The following PARP1 variants were observed in gnomAD, a reference collection of about 807,000 sequenced individuals.
The protein encoded by PARP1 is poly(ADP-ribose) polymerase 1.
In PARP1, 44 loss-of-function variants were observed where a neutral mutation model predicts 118.7. The observed-to-expected ratio is 0.37, with a 90% confidence interval of 0.29 to 0.48. The LOEUF (loss-of-function observed/expected upper bound fraction) is 0.48. Ranked by LOEUF, PARP1 falls within the 20% of genes least tolerant of loss-of-function variation. The pLI is 0.99. For missense variants in PARP1, 1,100 were observed against 1,272.4 expected (o/e 0.86, Z 2.06); for synonymous variants, 492 against 483.2 (o/e 1.02, Z -0.24).
chr1:226,378,036 T>C (rs1239537729), intron 12 of PARP1, among the ~76,000 whole-genome samples: 3 of 152,208 alleles, frequency 2.0e-5, no homozygotes, highest in East Asian at 3.9e-4. Context: ...TGAACAGGGG[T>C]ATAAAAATTC....
rs912101897 is a variant in PARP1, at chr1:226,408,061, GCACCGGC to G, written c.-139_-133del. 9.8e-6 allele frequency: 13 copies of G among 1,321,014 alleles called. No individual in the cohort carries two copies. In the African/African-American group the frequency reaches 1.0e-4, roughly 10 times the overall value. The allele number at this position is 1,321,014 out of a possible 1,614,324, so 81.8% of individuals were successfully genotyped here. A position where few individuals can be genotyped will look rare whatever the true frequency, so the allele number is the denominator to read the frequency against. On this transcript the variant is annotated 5_prime_UTR_variant, in exon 1 of 23. Coordinates refer to ENST00000366794, the MANE Select transcript of PARP1 (RefSeq NM_001618.4). ...GGCCAGAGCCGCCACCGAACACGCC[GCACCGGC>G]CACCGCCGTTCCCTGATAGATTGCT...
rs757458261 is a variant in PARP1 at position 226,380,014 on chromosome 1, T to G, written c.1451A>C (p.Glu484Ala). ...AACTTCAACAGGCTCTGCCTTCACCTCTGCCCCCCAAGGGGACAAGATGTG... is the reference window on the plus strand; with the variant it reads ...AACTTCAACAGGCTCTGCCTTCACCGCTGCCCCCCAAGGGGACAAGATGTG... The part of the protein sequence containing the change: ...LAHILSPWGA[E>A]VKAEPVEVVA... The change falls in exon 10 of 23, where the codon GAG becomes GCG. Residue 484 changes from glutamate (E) to alanine (A), a missense_variant. Transcript: ENST00000366794. 13 of 1,613,954 alleles carry G rather than the reference T, an allele frequency of 8.1e-6. No individual in the cohort carries two copies. In the African/African-American group the frequency reaches 1.5e-4, roughly 18 times the overall value.
At chr1:226,363,019 C>T in intron 21 of PARP1, 80 bp downstream of exon 21, 2 of 954,824 alleles carry the variant, frequency 2.1e-6, no homozygotes, top group South Asian at 2.6e-5. Context: ...ACAAGGCAGC[C>T]TTCTCAGGAC....
chr1:226,365,888 T>G, intron 18 of PARP1, 66 bp downstream of exon 18: 2 of 1,002,596 alleles, frequency 2.0e-6, no homozygotes, highest in Non-Finnish European at 3.2e-6. Flanking sequence ...CAGGCCCAGG[T>G]TGGAGGAGTG....
chr1:226,385,471 C>T, intron 7 of PARP1, 33 bp downstream of exon 7: 1 of 1,606,608 alleles, frequency 6.2e-7, no homozygotes, highest in Non-Finnish European at 8.5e-7. Context: ...GTTTTTCTCC[C>T]AACAGATCCC....
At chr1:226,366,560 G>A (rs1331534753) in intron 17 of PARP1, 1 of 155,376 alleles carries the variant, frequency 6.4e-6, no homozygotes, top group Non-Finnish European at 1.4e-5. Flanking sequence ...GACTAGTTAT[G>A]TTTTATTTTC....
intron 2 of PARP1, among the ~76,000 whole-genome samples, chr1:226,400,888 C>T (rs1665022056): frequency 6.6e-6 from 1 of 152,368 alleles, no homozygotes; most frequent in East Asian, 1.9e-4. Context: ...AAAGGACTTG[C>T]GTGAGGGCAT....
At chr1:226,403,414 G>A (rs1162945424) in intron 1 of PARP1, among the ~76,000 whole-genome samples, 1 of 152,202 alleles carries the variant, frequency 6.6e-6, no homozygotes, top group Non-Finnish European at 1.5e-5. Context: ...TTCTGACCTC[G>A]TGACCCGCCC....
At chr1:226,375,474 A>G (rs1315824362) in intron 13 of PARP1, among the ~76,000 whole-genome samples, 1 of 152,228 alleles carries the variant, frequency 6.6e-6, no homozygotes, top group African/African-American at 2.4e-5. Flanking sequence ...CAGCCCACGC[A>G]CAGGACGGGA....
chr1:226,392,868 G>T (rs1044230527), intron 2 of PARP1: 31 of 1,504,142 alleles, frequency 2.1e-5, no homozygotes, highest in Non-Finnish European at 2.5e-5. Flanking sequence ...ACAAAAACTG[G>T]ATTCTTCTCT....
At chr1:226,365,209 T>C (rs1664233846) in intron 18 of PARP1, 55 bp from the exon 19 acceptor site, 1 of 1,591,022 alleles carries the variant, frequency 6.3e-7, no homozygotes, top group Non-Finnish European at 8.6e-7. Flanking sequence ...GTTACTCTGG[T>C]TGACTGAAAG....
chr1:226,392,666 T>C, intron 2 of PARP1: 1 of 538,958 alleles, frequency 1.9e-6, no homozygotes, highest in East Asian at 3.1e-5. Context: ...CATACTGACG[T>C]CTCACTAAGG....
At position 226,390,435 on chromosome 1, in the gene PARP1, G is replaced by C. The variant is rs781316794; in HGVS notation, c.592C>G (p.Gln198Glu). ...CCTTCACTCTTGACTCCTGGGAGCT[G>C]CTTCTTCAGGGCTTCTTTATCCTCT... The part of the protein sequence containing the change: ...ATEDKEALKK[Q>E]LPGVKSEGKR... The change falls in exon 4 of 23, where the codon CAG becomes GAG. Residue 198 changes from glutamine (Q) to glutamate (E), a missense_variant. Gln to Glu is a conservative substitution (Grantham distance 29). Coordinates refer to ENST00000366794, the MANE Select transcript of PARP1 (RefSeq NM_001618.4). 6 of 1,613,868 alleles carry C rather than the reference G, an allele frequency of 3.7e-6. No homozygotes were observed. The highest frequency in any genetic ancestry group is 5.1e-6 in the Non-Finnish European group (6 of 1,180,026).
chr1:226,380,074 G>A lies in PARP1; in HGVS notation c.1391C>T (p.Ala464Val). The A allele has an allele frequency of 1.9e-6, 3 of 1,614,236 alleles. No homozygotes were observed. The highest frequency in any genetic ancestry group is 1.3e-5 in the African/African-American group (1 of 75,060). ...VSEDFLQDVS[A>V]STKSLQELFL... ...CAACTCCTGAAGGCTCTTGGTGGAG[G>A]CGGAGACGTCCTGGAGGAAGTCCTC... Residue 464 changes from alanine to valine, a missense_variant, in exon 10 of 23, where the codon GCC (alanine) becomes GTC (valine). By Grantham distance (64) the Ala-to-Val change is moderately conservative (BLOSUM62 0). Coordinates refer to ENST00000366794, the MANE Select transcript of PARP1 (RefSeq NM_001618.4).
At chr1:226,387,733 G>A (rs960111177) in intron 5 of PARP1, among the ~76,000 whole-genome samples, 13 of 152,142 alleles carry the variant, frequency 8.5e-5, no homozygotes, top group African/African-American at 2.9e-4. Context: ...CAGTGGGAAC[G>A]CTGAGGGGCA....
chr1:226,401,351 C>G (rs1576403807), intron 2 of PARP1, among the ~76,000 whole-genome samples: 1 of 152,228 alleles, frequency 6.6e-6, no homozygotes, highest in Non-Finnish European at 1.5e-5. Flanking sequence ...CAGGGCTACC[C>G]CACAGGCACT....
At chr1:226,399,984 CAG>C (rs1664998285) in intron 2 of PARP1, among the ~76,000 whole-genome samples, 1 of 152,052 alleles carries the variant, frequency 6.6e-6, no homozygotes, top group Admixed American at 6.5e-5. Context: ...GCTTGGGTGA[CAG>C]AGCGAGAATC....
At chr1:226,400,410 A>C (rs1041628967) in intron 2 of PARP1, among the ~76,000 whole-genome samples, 5 of 152,252 alleles carry the variant, frequency 3.3e-5, no homozygotes, top group African/African-American at 1.2e-4. Flanking sequence ...ATCAGCACAC[A>C]CCGGGATAAC....
intron 13 of PARP1, among the ~76,000 whole-genome samples, chr1:226,374,776 T>C (rs1664456700): frequency 1.3e-5 from 2 of 152,172 alleles, no homozygotes; most frequent in Non-Finnish European, 2.9e-5. Context: ...CTCTTACACT[T>C]CCTCACACAA....
Sources: allele counts gnomAD v4.1 joint callset (sites outside exome capture counted in the v4.1 genomes callset), GRCh38; gene constraint gnomAD v4.1.1; transcripts MANE v1.5; gene names NCBI Gene and HGNC (gene_info 2026-07-23, HGNC 2026-07-21).